The following BIRC6 variants were observed in gnomAD, a reference collection of about 807,000 sequenced individuals.
BIRC6 encodes dual E2 ubiquitin-conjugating enzyme/E3 ubiquitin-protein ligase BIRC6.
Under a neutral mutation model 503.3 loss-of-function variants are expected in BIRC6, and 98 were observed. The ratio of observed to expected loss-of-function variants is 0.19; its 90% confidence interval spans 0.17 to 0.23. BIRC6 has a LOEUF of 0.23. Among genes scored for constraint, BIRC6 ranks in the 10% least tolerant of loss-of-function variants. The pLI is 1.00. For missense variants in BIRC6, 5,360 were observed against 5,806.0 expected (o/e 0.92, Z 2.50); for synonymous variants, 2,240 against 2,078.7 (o/e 1.08, Z -2.11).
At chr2:32,489,352 C>T (rs1422943115) in intron 42 of BIRC6, among the ~76,000 whole-genome samples, 5 of 151,986 alleles carry the variant, frequency 3.3e-5, no homozygotes, top group African/African-American at 7.2e-5. Flanking sequence ...GAGTCACGCA[C>T]AGATTCTACT....
intron 49 of BIRC6, among the ~76,000 whole-genome samples, chr2:32,504,729 A>G (rs2053609665): frequency 1.3e-5 from 2 of 152,068 alleles, no homozygotes; most frequent in Admixed American, 1.3e-4. Flanking sequence ...AAAATTATTG[A>G]GCTACGTTTA....
Position 32,431,102 on chromosome 2 carries a change from T to C in BIRC6, c.3248+12T>C, listed in dbSNP as rs779288169. 3 of 1,556,550 alleles carry C rather than the reference T, an allele frequency of 1.9e-6. No homozygotes were observed. The highest frequency in any genetic ancestry group is 2.6e-6 in the Non-Finnish European group (3 of 1,136,910). Reference sequence around the variant, plus strand: ...CTACAGACCGACAGGTAAAAGATATTCCCAAGATAATTAATTTTAAGTCCA... The same window carrying C: ...CTACAGACCGACAGGTAAAAGATATCCCCAAGATAATTAATTTTAAGTCCA... On this transcript the variant is annotated intron_variant, in intron 12 of 73. Transcript: ENST00000421745.
At chr2:32,582,864 G>C (rs867725817) in intron 66 of BIRC6, among the ~76,000 whole-genome samples, 3 of 152,062 alleles carry the variant, frequency 2.0e-5, no homozygotes, top group Non-Finnish European at 4.4e-5. Context: ...TCTTATTATA[G>C]AGTTTTCACT....
chr2:32,579,169 A>G (rs1212036424), intron 66 of BIRC6, among the ~76,000 whole-genome samples: 1 of 151,202 alleles, frequency 6.6e-6, no homozygotes, highest in Non-Finnish European at 1.5e-5. Flanking sequence ...AATGATGTGT[A>G]TGTTGTATTT....
At chr2:32,554,132 C>G (rs925030358) in intron 65 of BIRC6, among the ~76,000 whole-genome samples, 16 of 152,138 alleles carry the variant, frequency 1.1e-4, no homozygotes, top group Non-Finnish European at 1.5e-4. Flanking sequence ...AGACCCTCAC[C>G]TATTTTAGAA....
intron 21 of BIRC6, among the ~76,000 whole-genome samples, chr2:32,447,670 C>G (rs568385948): frequency 1.7e-5 from 2 of 119,650 alleles, no homozygotes; most frequent in African/African-American, 3.4e-5. Context: ...CCCCCTCCCC[C>G]CTCCCGGACT....
intron 1 of BIRC6, among the ~76,000 whole-genome samples, chr2:32,365,391 C>T (rs866983803): frequency 6.6e-6 from 1 of 150,632 alleles, no homozygotes; most frequent in African/African-American, 2.4e-5. Context: ...GCGATCTCAG[C>T]TCACTGCAAC....
chr2:32,408,574 A>C (rs1407331786), intron 9 of BIRC6, among the ~76,000 whole-genome samples: 2 of 152,112 alleles, frequency 1.3e-5, no homozygotes, highest in African/African-American at 4.8e-5. Context: ...CCCTGGGTCT[A>C]AGGATCTCAG....
chr2:32,395,615 CATAATAGG>C lies in BIRC6; in HGVS notation c.1034+23_1034+30del, dbSNP rs138678842. On this transcript the variant is annotated intron_variant, in intron 6 of 73. Coordinates refer to ENST00000421745, the MANE Select transcript of BIRC6 (RefSeq NM_016252.4). ...CTTGGTGAGTCTTGATGTTTCTGGGCATAATAGGCTAAGTCAGTCGTGTAAATAATGCT... is the reference window on the plus strand; with the variant it reads ...CTTGGTGAGTCTTGATGTTTCTGGGCCTAAGTCAGTCGTGTAAATAATGCT... The C allele has an allele frequency of 9.2e-5, 143 of 1,556,820 alleles. 1 individual carries two copies. In the African/African-American group the frequency reaches 1.8e-3, roughly 20 times the overall value.
intron 10 of BIRC6, among the ~76,000 whole-genome samples, chr2:32,422,821 C>T (rs2043078029): frequency 2.0e-5 from 3 of 152,092 alleles, no homozygotes; most frequent in Admixed American, 2.0e-4. Flanking sequence ...CTCCAATGTG[C>T]AAAAAACCCA....
rs1402429847 is a variant in BIRC6, at chr2:32,501,828, A to G, written c.9147A>G (p.Thr3049=). The change falls in exon 47 of 74, where the codon ACA becomes ACG. Residue 3049 remains threonine, a synonymous_variant. Transcript: ENST00000421745. ...ILTTLSKKAS[T]VHMMLQPILT... ...CAACCCTTAGTAAAAAAGCTTCTAC[A>G]GTCCACATGATGCTGCAGCCAATTT... 3.7e-6 allele frequency: 6 copies of G among 1,613,806 alleles called. No individual in the cohort carries two copies. The African/African-American group carries it at 5.3e-5, about 14-fold the overall frequency.
chr2:32,591,381 T>G (rs1264456775), intron 66 of BIRC6, among the ~76,000 whole-genome samples: 1 of 152,166 alleles, frequency 6.6e-6, no homozygotes, highest in Non-Finnish European at 1.5e-5. Flanking sequence ...AAAAATAAAA[T>G]TTATCATCCT....
intron 65 of BIRC6, among the ~76,000 whole-genome samples, chr2:32,567,291 TA>T (rs928699668): frequency 6.6e-6 from 1 of 152,154 alleles, no homozygotes; most frequent in Non-Finnish European, 1.5e-5. Context: ...TATGCTTTTT[TA>T]AAAAAATGTT....
At chr2:32,477,648 C>T in intron 35 of BIRC6, 65 bp downstream of exon 35, 2 of 1,318,436 alleles carry the variant, frequency 1.5e-6, no homozygotes, top group South Asian at 1.3e-5. Flanking sequence ...CCTGTAATCC[C>T]AGCACTTTGG....
intron 1 of BIRC6, among the ~76,000 whole-genome samples, chr2:32,375,591 A>C (rs1451406610): frequency 3.3e-5 from 5 of 152,130 alleles, no homozygotes; most frequent in Non-Finnish European, 7.4e-5. Flanking sequence ...CAGGCCGAAA[A>C]AGCCAAATTG....
At chr2:32,584,467 A>T (rs2060895602) in intron 66 of BIRC6, among the ~76,000 whole-genome samples, 3 of 152,132 alleles carry the variant, frequency 2.0e-5, no homozygotes, top group African/African-American at 7.2e-5. Flanking sequence ...GGGGAGGCGG[A>T]GGTTGTAGTG....
Position 32,513,051 on chromosome 2 carries a change from C to G in BIRC6, c.10465C>G (p.Pro3489Ala). The G allele has an allele frequency of 1.2e-6, 2 of 1,613,844 alleles. No individual in the cohort carries two copies. The highest frequency in any genetic ancestry group is 1.7e-6 in the Non-Finnish European group (2 of 1,179,812). Residue 3489 changes from proline (P) to alanine (A), a missense_variant, in exon 54 of 74, where the codon CCA (proline) becomes GCA (alanine). By Grantham distance (27) the Pro-to-Ala change is conservative. Around this residue, in one of 16 missense-constraint regions of BIRC6, gnomAD observed 878 missense variants for 928.9 expected, o/e 0.95. Coordinates refer to ENST00000421745, the MANE Select transcript of BIRC6 (RefSeq NM_016252.4). ...SSTVEYGLLM[P>A]SPSHLHCVAA... is the part of the protein sequence containing the mutation. Reference sequence around the variant, plus strand: ...AACAGTAGAGTATGGTCTTCTGATGCCATCTCCTTCTCATTTGCACTGTGT... The same window carrying G: ...AACAGTAGAGTATGGTCTTCTGATGGCATCTCCTTCTCATTTGCACTGTGT...
chr2:32,522,690 C>G (rs980144886), intron 57 of BIRC6: 3 of 152,178 alleles, frequency 2.0e-5, no homozygotes, highest in Non-Finnish European at 4.4e-5. Flanking sequence ...GTTAGGAATT[C>G]ACTAGATGTC....
intron 5 of BIRC6, among the ~76,000 whole-genome samples, chr2:32,393,946 C>CTA (rs10580859): frequency 0.034 from 4,977 of 145,520 alleles, 80 homozygotes; most frequent in East Asian, 0.054. Context: ...AACCAGAAAA[C>CTA]TATATATATA....
Sources: gnomAD v4.1 joint callset for allele counts (sites outside exome capture counted in the v4.1 genomes callset) on GRCh38, gnomAD v4.1.1 for gene constraint, gnomAD v4.1.1 regional missense constraint, MANE v1.5 for transcripts, NCBI Gene and HGNC (gene_info 2026-07-23, HGNC 2026-07-21) for gene names.